Variants in GLB1 observed in about 807,000 individuals in gnomAD.
GLB1 encodes beta-galactosidase.
A neutral mutation model predicts 74.0 loss-of-function variants in GLB1; 56 were observed. That is an observed-to-expected ratio of 0.76 (90% CI 0.61 to 0.94). The LOEUF is 0.94. GLB1 is among the 40% of genes least tolerant of loss of function. The pLI, the probability that GLB1 is intolerant of heterozygous loss-of-function variation, is 0.00. For synonymous variants in GLB1, 323 were observed against 323.6 expected, an observed-to-expected ratio of 1.00 and a Z score of 0.02; for missense variants, 787 against 845.5, an observed-to-expected ratio of 0.93 and a Z score of 0.86.
intron 1 of GLB1, among the ~76,000 whole-genome samples, chr3:33,080,310 C>T (rs1222855889): frequency 6.6e-6 from 1 of 152,154 alleles, no homozygotes; most frequent in Non-Finnish European, 1.5e-5. Flanking sequence ...GAGCTCCTGA[C>T]CTCAGGTAAT....
chr3:33,066,635 T>C (rs1167082411), intron 4 of GLB1, among the ~76,000 whole-genome samples: 3 of 152,218 alleles, frequency 2.0e-5, no homozygotes, highest in Non-Finnish European at 2.9e-5. Flanking sequence ...GCCTGGAGCA[T>C]AGAACATATC....
At chr3:33,021,788 C>G in intron 11 of GLB1, 133 bp from the exon 12 acceptor site, 1 of 1,006,780 alleles carries the variant, frequency 9.9e-7, no homozygotes, top group Non-Finnish European at 1.5e-6. Flanking sequence ...CATTCAAATT[C>G]CACTCAGTAT....
chr3:33,092,621 C>G (rs1427462985), intron 1 of GLB1: 35 of 1,359,412 alleles, frequency 2.6e-5, no homozygotes, highest in Non-Finnish European at 3.2e-5. Context: ...ACAAGTGCAT[C>G]AAAAAAAGCA....
chr3:32,989,988 T>C, the GLB1 span, among the ~76,000 whole-genome samples: 2 of 152,196 alleles, frequency 1.3e-5, no homozygotes, highest in Admixed American at 6.5e-5. Flanking sequence ...GTTGAAGACA[T>C]GAACCTAGAA....
intron 15 of GLB1, among the ~76,000 whole-genome samples, chr3:33,004,461 A>C (rs1196920942): frequency 1.3e-5 from 2 of 152,224 alleles, no homozygotes; most frequent in Non-Finnish European, 2.9e-5. Flanking sequence ...GAAGGTGCCT[A>C]AGCATGCTAC....
At chr3:33,091,450 C>T in intron 1 of GLB1, 2 of 985,536 alleles carry the variant, frequency 2.0e-6, no homozygotes, top group Non-Finnish European at 2.4e-6. Flanking sequence ...AGCTCGCTAC[C>T]CACTCACATT....
chr3:33,047,371 T>A (rs1172314454), intron 9 of GLB1, among the ~76,000 whole-genome samples: 1 of 152,206 alleles, frequency 6.6e-6, no homozygotes, highest in African/African-American at 2.4e-5. Flanking sequence ...CATGCTTAAG[T>A]GTCACATGGA....
intron 2 of GLB1, among the ~76,000 whole-genome samples, chr3:33,071,034 C>T (rs143148673): frequency 3.3e-4 from 51 of 152,256 alleles, no homozygotes; most frequent in African/African-American, 1.2e-3. Context: ...AATCATGTGG[C>T]AGGAGGTAAA....
intron 5 of GLB1, among the ~76,000 whole-genome samples, chr3:33,060,302 G>A (rs1699390825): frequency 1.3e-5 from 2 of 152,174 alleles, no homozygotes; most frequent in South Asian, 2.1e-4. Flanking sequence ...AAACCATCCT[G>A]GAAGAGGAAG....
intron 15 of GLB1, among the ~76,000 whole-genome samples, chr3:33,006,425 C>T (rs74389719): frequency 2.0e-5 from 3 of 152,130 alleles, no homozygotes; most frequent in East Asian, 1.9e-4. Flanking sequence ...TCCACCCCCC[C>T]ACCCCTGACC....
chr3:33,057,973 T>C, intron 6 of GLB1, 116 bp downstream of exon 6: 3 of 1,380,132 alleles, frequency 2.2e-6, no homozygotes, highest in Non-Finnish European at 3.0e-6. Context: ...CCTTGAAAAA[T>C]GAAAACATGA....
rs78719968 is a variant in GLB1, at chr3:33,041,247, T to C, written c.1068+4873A>G. Among the ~76,000 whole-genome samples the C allele has an allele frequency of 4.1e-4, 62 of 152,290 alleles. No homozygotes were observed. In the Middle Eastern group the frequency reaches 0.017, roughly 42 times the overall value. ...AATATAAAGAGAAAATCTCAGAAGC[T>C]GTCCAAGAGGAAAGATAGATTATCT... On this transcript the variant is annotated intron_variant, in intron 10 of 15. Coordinates refer to ENST00000307363, the MANE Select transcript of GLB1 (RefSeq NM_000404.4).
chr3:33,015,625 C>T (rs908131239), intron 14 of GLB1, among the ~76,000 whole-genome samples: 3 of 152,228 alleles, frequency 2.0e-5, no homozygotes, highest in Non-Finnish European at 4.4e-5. Context: ...CCAGAGACTA[C>T]ACAACAGAGT....
chr3:33,031,693 T>A (rs1180524964), intron 10 of GLB1, among the ~76,000 whole-genome samples: 1 of 134,550 alleles, frequency 7.4e-6, no homozygotes, highest in African/African-American at 2.7e-5. Flanking sequence ...CTAAATCTTG[T>A]AGTTAATTTC....
chr3:33,076,715 C>G (rs1053980031), intron 1 of GLB1, among the ~76,000 whole-genome samples: 1 of 152,124 alleles, frequency 6.6e-6, no homozygotes, highest in Non-Finnish European at 1.5e-5. Context: ...AATATGACTA[C>G]GTGTATATTA....
At chr3:33,039,057 C>T (rs4270461) in intron 10 of GLB1, among the ~76,000 whole-genome samples, 32,257 of 151,778 alleles carry the variant, frequency 0.21, 3,809 homozygotes, top group Admixed American at 0.3. Flanking sequence ...TTTGGGAGGC[C>T]GAAGTGGGCA....
intron 15 of GLB1, among the ~76,000 whole-genome samples, chr3:33,002,540 G>GTGT (rs1159311863): frequency 6.6e-6 from 1 of 152,036 alleles, no homozygotes; most frequent in Non-Finnish European, 1.5e-5. Flanking sequence ...AGGTATGCAC[G>GTGT]TGTTGTTGTT....
the GLB1 span, among the ~76,000 whole-genome samples, chr3:32,969,834 G>A: frequency 4.1e-3 from 624 of 152,298 alleles, 3 homozygotes; most frequent in African/African-American, 0.014. Context: ...TACTCGAGCC[G>A]TTTGTAAACA....
At chr3:32,971,953 C>T in the GLB1 span, among the ~76,000 whole-genome samples, 3 of 151,892 alleles carry the variant, frequency 2.0e-5, no homozygotes, top group South Asian at 4.2e-4. Context: ...TCTAATTCCT[C>T]GAAGGCAAGA....
Sources: allele counts gnomAD v4.1 joint callset (sites outside exome capture counted in the v4.1 genomes callset), GRCh38; gene constraint gnomAD v4.1.1; transcripts MANE v1.5; gene names NCBI Gene and HGNC (gene_info 2026-07-23, HGNC 2026-07-21).